SGSM1: variants seen among roughly 807,000 people sequenced by gnomAD.
SGSM1 encodes the protein small G protein signaling modulator 1.
In SGSM1, 73 loss-of-function variants were observed where a neutral mutation model predicts 133.8. The observed-to-expected ratio is 0.55, with a 90% CI of 0.45 to 0.66. The LOEUF is 0.66. Among genes scored for constraint, SGSM1 ranks in the 30% least tolerant of loss-of-function variants. The probability of loss-of-function intolerance (pLI) is 0.00; values close to 1 mark genes in which losing one functional copy is unlikely to be tolerated. For missense variants in SGSM1, 1,213 were observed against 1,448.1 expected (o/e 0.84, Z 2.64); for synonymous variants, 563 against 573.0 (o/e 0.98, Z 0.25).
intron 2 of SGSM1, among the ~76,000 whole-genome samples, chr22:24,815,530 C>T (rs879931892): frequency 2.2e-4 from 33 of 152,250 alleles, no homozygotes; most frequent in Non-Finnish European, 4.7e-4. Flanking sequence ...ATCACGAGTT[C>T]AGGAGATCAG....
Position 24,876,652 on chromosome 22 carries a change from G to C in SGSM1, c.1367G>C (p.Cys456Ser). 6.2e-7 allele frequency: 1 copy of C among 1,614,018 alleles called. No homozygotes were observed. The highest frequency in any genetic ancestry group is 8.5e-7 in the Non-Finnish European group (1 of 1,179,900). The change falls in exon 13 of 25, where the codon TGT (cysteine) becomes TCT (serine). Residue 456 changes from cysteine to serine, a missense_variant. By Grantham distance (112) the Cys-to-Ser change is moderately radical. Coordinates refer to ENST00000400358, the MANE Select transcript of SGSM1 (RefSeq NM_001098497.3). The stretch of plus-strand genomic sequence containing the variant: ...CAGCCCAGTCCCCGGAAGTCCTCCT[G>C]TTCATCCTGTTCACAGAGTGGCTCG... ...LWQPSPRKSS[C>S]SSCSQSGSAD... is the part of the protein sequence containing the mutation.
intron 16 of SGSM1, among the ~76,000 whole-genome samples, chr22:24,889,151 G>A (rs143945533): frequency 0.16 from 24,236 of 151,590 alleles, 2,193 homozygotes; most frequent in South Asian, 0.31. Context: ...TAGTAGAGAC[G>A]GGGTTTCACC....
chr22:24,905,345 A>T (rs1345613813), intron 21 of SGSM1, among the ~76,000 whole-genome samples, 158 bp downstream of exon 21: 1 of 152,230 alleles, frequency 6.6e-6, no homozygotes, highest in Non-Finnish European at 1.5e-5. Flanking sequence ...TGAAATAAAA[A>T]AGTCCTTATA....
chr22:24,914,502 A>AT (rs1933752088), intron 22 of SGSM1, among the ~76,000 whole-genome samples: 2 of 151,096 alleles, frequency 1.3e-5, no homozygotes, highest in Non-Finnish European at 2.9e-5. Context: ...TTAACCATAG[A>AT]TTTTTCATTA....
chr22:24,919,657 A>G (rs1433824586), intron 23 of SGSM1, among the ~76,000 whole-genome samples, 169 bp from the exon 24 acceptor site: 18 of 152,234 alleles, frequency 1.2e-4, no homozygotes, highest in Admixed American at 1.1e-3. Context: ...GTCAAATGAC[A>G]GAGCCCAGGT....
intron 9 of SGSM1, among the ~76,000 whole-genome samples, chr22:24,865,064 A>T (rs1202133540): frequency 1.3e-5 from 2 of 152,190 alleles, no homozygotes; most frequent in Non-Finnish European, 2.9e-5. Context: ...GCTCTCAGTC[A>T]TGAGGGCTGT....
intron 2 of SGSM1, among the ~76,000 whole-genome samples, chr22:24,839,220 A>T (rs909097120): frequency 4.0e-5 from 6 of 151,898 alleles, no homozygotes; most frequent in African/African-American, 1.2e-4. Flanking sequence ...ATGCCTGGCT[A>T]GTTTTTGTAT....
chr22:24,811,327 C>T (rs1402257794), intron 2 of SGSM1, among the ~76,000 whole-genome samples: 2 of 152,168 alleles, frequency 1.3e-5, no homozygotes, highest in Non-Finnish European at 2.9e-5. Context: ...ACCTGCTGCG[C>T]CCTTCACTTC....
intron 2 of SGSM1, chr22:24,814,028 C>T (rs1002447610): frequency 1.3e-5 from 2 of 152,252 alleles, no homozygotes; most frequent in Non-Finnish European, 2.9e-5. Flanking sequence ...CAAGGTCTCA[C>T]TTTCCTGCTT....
At chr22:24,832,752 A>G (rs1929192431) in intron 2 of SGSM1, among the ~76,000 whole-genome samples, 1 of 152,118 alleles carries the variant, frequency 6.6e-6, no homozygotes, top group Admixed American at 6.5e-5. Flanking sequence ...GGGCAGCTTG[A>G]ATGACATAAA....
chr22:24,867,154 C>T lies in SGSM1; in HGVS notation c.988C>T (p.Gln330Ter), dbSNP rs1931504487. 1 of 1,613,664 alleles carries T rather than the reference C, an allele frequency of 6.2e-7. No individual in the cohort carries two copies. The highest frequency in any genetic ancestry group is 1.3e-5 in the African/African-American group (1 of 74,918). ...LEEIVYLHCH[Q>*]QVDSGGTVVL... ...GGAGATTGTCTACCTGCACTGCCAC[C>T]AGCAAGGTAGGGACTGTGGGGACAG... Residue 330 changes from glutamine to a stop codon, truncating the protein, a stop_gained, in exon 10 of 25, where the codon CAG becomes TAG. Coordinates refer to ENST00000400358, the MANE Select transcript of SGSM1 (RefSeq NM_001098497.3). LOFTEE classifies it high-confidence loss of function.
intron 2 of SGSM1, among the ~76,000 whole-genome samples, chr22:24,807,498 G>T (rs1427669582): frequency 6.6e-6 from 1 of 151,912 alleles, no homozygotes; most frequent in East Asian, 1.9e-4. Flanking sequence ...TAGGTGTGTG[G>T]CATGTGATGC....
chr22:24,815,318 GC>G (rs1365075448), intron 2 of SGSM1, among the ~76,000 whole-genome samples: 2 of 152,144 alleles, frequency 1.3e-5, no homozygotes, highest in Non-Finnish European at 2.9e-5. Flanking sequence ...GATAAGTATT[GC>G]CCGGGAAGAA....
chr22:24,879,492 G>A lies in SGSM1; in HGVS notation c.1461G>A (p.Met487Ile). The A allele has an allele frequency of 6.2e-7, 1 of 1,613,810 alleles. No homozygotes were observed. Among genetic ancestry groups the A allele is most frequent in the Non-Finnish European group, 8.5e-7 (1 of 1,179,868 alleles). The change falls in exon 14 of 25, where the codon ATG (methionine) becomes ATA (isoleucine). Residue 487 changes from methionine (M) to isoleucine (I), a missense_variant. Met to Ile is a conservative substitution (Grantham distance 10). Transcript: ENST00000400358. ...RAPLKLLCDNMKYQILSRAFY... is the reference protein window; with the variant it reads ...RAPLKLLCDNIKYQILSRAFY... ...CCCTGAAACTTCTCTGTGACAATAT[G>A]AAGTACCAGATCCTCTCCAGAGCCT...
At chr22:24,836,763 A>G (rs1929453538) in intron 2 of SGSM1, among the ~76,000 whole-genome samples, 2 of 152,170 alleles carry the variant, frequency 1.3e-5, no homozygotes, top group South Asian at 2.1e-4. Flanking sequence ...TCCTTTGTCC[A>G]TTTTTGAATT....
At chr22:24,907,728 T>C (rs936516001) in intron 21 of SGSM1, among the ~76,000 whole-genome samples, 3 of 151,664 alleles carry the variant, frequency 2.0e-5, no homozygotes, top group Non-Finnish European at 2.9e-5. Context: ...ATCGAGACCA[T>C]GGTGAAACCC....
chr22:24,881,718 A>C (rs11912117), intron 14 of SGSM1, among the ~76,000 whole-genome samples: 4,303 of 152,254 alleles, frequency 0.028, 204 homozygotes, highest in African/African-American at 0.099. Context: ...CCTCCTCCTC[A>C]TCATCATCAC....
Position 24,856,001 on chromosome 22 carries a change from C to T in SGSM1, c.801+321C>T, listed in dbSNP as rs116272723. The stretch of plus-strand genomic sequence containing the variant: ...CCCATCTTTACATTCACCCATCCAC[C>T]CATCTTTACATCTATCCATCCATCC... On this transcript the variant is annotated intron_variant, in intron 8 of 24. Coordinates refer to ENST00000400358, the MANE Select transcript of SGSM1 (RefSeq NM_001098497.3). The T allele has an allele frequency of 2.2e-3, 1,102 of 509,576 alleles. 13 individuals are homozygous for T. Among genetic ancestry groups the T allele is most frequent in the African/African-American group, 0.019 (1,011 of 53,124 alleles). The allele number at this position is 509,576 out of a possible 1,614,324, so 31.6% of individuals were successfully genotyped here. A position where few individuals can be genotyped will look rare whatever the true frequency, so the allele number is the denominator to read the frequency against.
chr22:24,825,398 G>A (rs1179320901), intron 2 of SGSM1, among the ~76,000 whole-genome samples: 6 of 152,036 alleles, frequency 3.9e-5, no homozygotes, highest in East Asian at 1.9e-4. Context: ...TCTTCTCCCC[G>A]CTGTGCTCAC....
Sources: allele counts gnomAD v4.1 joint callset (sites outside exome capture counted in the v4.1 genomes callset), GRCh38; gene constraint gnomAD v4.1.1; transcripts MANE v1.5; gene names NCBI Gene and HGNC (gene_info 2026-07-23, HGNC 2026-07-21).